MRPS28: variants seen among roughly 807,000 people sequenced by gnomAD.
MRPS28 encodes the protein mitochondrial ribosomal protein S28.
A neutral mutation model predicts 10.8 loss-of-function variants in MRPS28; 7 were observed. The observed-to-expected ratio is 0.65, with a 90% CI of 0.37 to 1.22. The LOEUF is 1.22. Among genes scored for constraint, MRPS28 ranks in the 50% most tolerant of loss-of-function variants. The pLI, the probability that MRPS28 is intolerant of heterozygous loss-of-function variation, is 0.02. For synonymous variants in MRPS28, 121 were observed against 93.3 expected, an observed-to-expected ratio of 1.30 and a Z score of -1.71; for missense variants, 265 against 232.9, an observed-to-expected ratio of 1.14 and a Z score of -0.90.
At chr8:79,976,364 T>C (rs1052555005) in intron 2 of MRPS28, among the ~76,000 whole-genome samples, 1 of 152,214 alleles carries the variant, frequency 6.6e-6, no homozygotes, top group Non-Finnish European at 1.5e-5. Context: ...ATTACAGGCG[T>C]GAGCCACCGC....
At chr8:79,925,845 G>A (rs1049043498) in intron 2 of MRPS28, among the ~76,000 whole-genome samples, 29 of 151,986 alleles carry the variant, frequency 1.9e-4, no homozygotes, top group African/African-American at 7.0e-4. Flanking sequence ...AAATTAGCTA[G>A]GCATGGTGGC....
intron 2 of MRPS28, among the ~76,000 whole-genome samples, chr8:79,987,080 A>G (rs1808205228): frequency 6.6e-6 from 1 of 152,136 alleles, no homozygotes; most frequent in Non-Finnish European, 1.5e-5. Context: ...AAACAGAGAT[A>G]TAGATCAATG....
At chr8:79,971,127 A>G (rs938103918) in intron 2 of MRPS28, among the ~76,000 whole-genome samples, 19 of 152,190 alleles carry the variant, frequency 1.2e-4, no homozygotes, top group Non-Finnish European at 2.5e-4. Context: ...GTCTAAATGC[A>G]TATTTGTTGA....
chr8:79,990,058 G>C (rs561233198), intron 2 of MRPS28, among the ~76,000 whole-genome samples: 1 of 152,210 alleles, frequency 6.6e-6, no homozygotes, highest in African/African-American at 2.4e-5. Flanking sequence ...CTACTCAGGA[G>C]GCAGAAGCAC....
chr8:79,951,525 T>C lies in MRPS28; in HGVS notation c.396-32377A>G, dbSNP rs377251130. 5.3e-5 allele frequency among the ~76,000 whole-genome samples: 8 copies of C among 152,278 alleles called. No individual in the cohort carries two copies. The South Asian group carries it at 8.3e-4, about 16-fold the overall frequency. ...AAGATTAACTTCCCCACCCCTACCT[T>C]GGGCCCTGAGTTTTCATTTTGCACT... is the stretch of plus-strand genomic sequence containing the variant. On this transcript the variant is annotated intron_variant, in intron 2 of 2. Transcript: ENST00000276585.
chr8:79,950,097 C>A (rs1339621449), intron 2 of MRPS28, among the ~76,000 whole-genome samples: 1 of 152,072 alleles, frequency 6.6e-6, no homozygotes, highest in South Asian at 2.1e-4. Context: ...CAGCTTCCCC[C>A]CTAGTTTCTA....
intron 2 of MRPS28, among the ~76,000 whole-genome samples, chr8:79,989,374 T>G (rs1260203572): frequency 1.3e-5 from 2 of 152,092 alleles, no homozygotes; most frequent in Non-Finnish European, 2.9e-5. Context: ...AAACTTGATT[T>G]CAAGAAAGGA....
chr8:79,926,016 AAG>A (rs1467744284), intron 2 of MRPS28, among the ~76,000 whole-genome samples: 1 of 151,884 alleles, frequency 6.6e-6, no homozygotes, highest in African/African-American at 2.4e-5. Flanking sequence ...AAAAGAAAAA[AAG>A]AGAGAAAAGA....
At chr8:79,935,988 T>C (rs1292145382) in intron 2 of MRPS28, among the ~76,000 whole-genome samples, 4 of 151,736 alleles carry the variant, frequency 2.6e-5, no homozygotes, top group Admixed American at 2.6e-4. Flanking sequence ...GCACTGATAA[T>C]CACAAAAATG....
chr8:80,030,068 C>A lies in MRPS28; in HGVS notation c.181G>T (p.Glu61Ter). 6.2e-7 allele frequency: 1 copy of A among 1,613,638 alleles called. No homozygotes were observed. The change falls in exon 1 of 3, where the codon GAG becomes TAG. Residue 61 changes from glutamate to a stop codon, truncating the protein, a stop_gained. Coordinates refer to ENST00000276585, the MANE Select transcript of MRPS28 (RefSeq NM_014018.3). LOFTEE classifies it high-confidence loss of function. ...AGGGGCTCCACCTTCTGTAGAAGCT[C>A]CGAGTGCCGCTCCAACGCGCTCGCG... ...GFASALERHS[E>*]LLQKVEPLQK...
intron 2 of MRPS28, among the ~76,000 whole-genome samples, chr8:79,965,082 A>T (rs1807471653): frequency 6.6e-6 from 1 of 152,116 alleles, no homozygotes; most frequent in Admixed American, 6.6e-5. Flanking sequence ...TAACATTTTT[A>T]AAAGGTAAGT....
At chr8:79,969,829 T>C (rs1807585445) in intron 2 of MRPS28, among the ~76,000 whole-genome samples, 1 of 152,182 alleles carries the variant, frequency 6.6e-6, no homozygotes, top group Non-Finnish European at 1.5e-5. Context: ...AAAGTGAGCA[T>C]CTTCTGTAAT....
intron 2 of MRPS28, among the ~76,000 whole-genome samples, chr8:79,991,214 A>C (rs537510043): frequency 1.9e-3 from 284 of 152,312 alleles, no homozygotes; most frequent in African/African-American, 6.6e-3. Context: ...AGTTTAATTC[A>C]ATTAACCAAA....
intron 2 of MRPS28, among the ~76,000 whole-genome samples, chr8:79,968,732 G>A (rs1586065742): frequency 2.7e-5 from 4 of 147,482 alleles, no homozygotes; most frequent in South Asian, 2.2e-4. Context: ...AAAAAAAAAA[G>A]AATCAGTTCA....
chr8:79,930,970 G>A (rs1806446631), intron 2 of MRPS28, among the ~76,000 whole-genome samples: 1 of 151,984 alleles, frequency 6.6e-6, no homozygotes, highest in Non-Finnish European at 1.5e-5. Context: ...TTATTTTGAT[G>A]GAAATAGGAT....
chr8:79,949,328 C>G (rs959772939), intron 2 of MRPS28, among the ~76,000 whole-genome samples: 6 of 151,420 alleles, frequency 4.0e-5, no homozygotes, highest in African/African-American at 1.5e-4. Flanking sequence ...GCAGGAGAAT[C>G]GCTTGAACCC....
intron 2 of MRPS28, among the ~76,000 whole-genome samples, chr8:79,925,860 G>A (rs939956693): frequency 1.3e-5 from 2 of 151,980 alleles, no homozygotes; most frequent in African/African-American, 2.4e-5. Flanking sequence ...GGTGGCAGGC[G>A]TCTGTGGTCC....
At chr8:79,920,014 C>T (rs1368456947) in intron 2 of MRPS28, among the ~76,000 whole-genome samples, 1 of 137,110 alleles carries the variant, frequency 7.3e-6, no homozygotes, top group African/African-American at 2.7e-5. Context: ...TTGTTCAGTT[C>T]CCACCTATAA....
In MRPS28 at chr8:80,002,996, T is replaced by C; in HGVS notation, c.395+3A>G. On this transcript the variant is annotated splice_donor_region_variant and intron_variant, in intron 2 of 2. Coordinates refer to ENST00000276585, the MANE Select transcript of MRPS28 (RefSeq NM_014018.3). ...TAAGGTACTTGGAAATGATTTTACT[T>C]ACTCTCCATCCACTTCTGGTCTTCT... 6.4e-7 allele frequency: 1 copy of C among 1,559,780 alleles called. No homozygotes were observed. Among genetic ancestry groups the C allele is most frequent in the Non-Finnish European group, 8.6e-7 (1 of 1,157,466 alleles).
Sources: gnomAD v4.1 joint callset for allele counts (sites outside exome capture counted in the v4.1 genomes callset) on GRCh38, gnomAD v4.1.1 for gene constraint, MANE v1.5 for transcripts, NCBI Gene and HGNC (gene_info 2026-07-23, HGNC 2026-07-21) for gene names.